Variants in MRM1 observed in about 807,000 individuals in gnomAD.
The protein encoded by MRM1 is rRNA methyltransferase 1, mitochondrial.
In MRM1, 24 loss-of-function variants were observed where a neutral mutation model predicts 25.0. The observed-to-expected ratio is 0.96, with a 90% CI of 0.69 to 1.35. MRM1 has a LOEUF of 1.35. Ranked by LOEUF, MRM1 falls within the 40% of genes most tolerant of loss-of-function variation. The pLI, the probability that MRM1 is intolerant of heterozygous loss-of-function variation, is 0.00. For missense variants in MRM1, 431 were observed against 464.1 expected (o/e 0.93, Z 0.65); for synonymous variants, 188 against 199.2 (o/e 0.94, Z 0.47).
downstream of MRM1, among the ~76,000 whole-genome samples, chr17:36,610,845 G>A (rs2074972625): frequency 6.6e-6 from 1 of 152,120 alleles, no homozygotes; most frequent in South Asian, 2.1e-4. Context: ...ACGGAGTCTT[G>A]CTCTGTTGCC....
At position 36,602,394 on chromosome 17, in the gene MRM1, C is replaced by G; in HGVS notation, c.542+42C>G. 6.5e-7 allele frequency: 1 copy of G among 1,547,598 alleles called. No individual in the cohort carries two copies. On this transcript the variant is annotated intron_variant, in intron 1 of 4. Coordinates refer to ENST00000614766, the MANE Select transcript of MRM1 (RefSeq NM_024864.5). This position sits in a 1 kb window ranked among gnomAD's most constrained non-coding sequence, Gnocchi z 4.1. ...TTCTCTATGTGCCCCAACTTGGAGA[C>G]GCAGCCGAGTTCCTAAGCACCTTGG...
downstream of MRM1, among the ~76,000 whole-genome samples, chr17:36,610,676 G>A (rs2074971576): frequency 6.6e-6 from 1 of 152,196 alleles, no homozygotes; most frequent in Admixed American, 6.5e-5. Context: ...TTCATTCTTG[G>A]CCAAGTGCCT....
At chr17:36,617,347 C>A in the MRM1 span, among the ~76,000 whole-genome samples, 1 of 152,026 alleles carries the variant, frequency 6.6e-6, no homozygotes, top group South Asian at 2.1e-4. Context: ...AGAGATGATG[C>A]CCTTGGCATA....
chr17:36,615,336 AC>A, the MRM1 span, among the ~76,000 whole-genome samples: 1 of 151,986 alleles, frequency 6.6e-6, no homozygotes. Flanking sequence ...GAGAAGCAGT[AC>A]CTTTGTGGTT....
At chr17:36,613,244 C>T (rs531360105), downstream of MRM1, among the ~76,000 whole-genome samples, 2 of 152,168 alleles carry the variant, frequency 1.3e-5, no homozygotes, top group East Asian at 3.9e-4. Context: ...CACCTCCCAC[C>T]CCCGCTTTGC....
At chr17:36,625,462 C>T in the MRM1 span, among the ~76,000 whole-genome samples, 15,215 of 101,996 alleles carry the variant, frequency 0.15, 1,555 homozygotes, top group Admixed American at 0.3. Flanking sequence ...CCTCCTCCTC[C>T]TTTTTTTTTT....
chr17:36,612,019 T>C (rs2074979754), downstream of MRM1, among the ~76,000 whole-genome samples: 1 of 152,214 alleles, frequency 6.6e-6, no homozygotes, highest in South Asian at 2.1e-4. Context: ...GGCGTCCCAG[T>C]GCTCCCTGCA....
the MRM1 span, among the ~76,000 whole-genome samples, chr17:36,621,097 A>G: frequency 6.6e-6 from 1 of 152,060 alleles, no homozygotes; most frequent in African/African-American, 2.4e-5. Context: ...CAGAATAACA[A>G]TAACAGGGGC....
Position 36,602,666 on chromosome 17 carries a change from G to A in MRM1, c.636+20G>A. The A allele has an allele frequency of 1.2e-6, 2 of 1,613,224 alleles. No individual in the cohort carries two copies. Among genetic ancestry groups the A allele is most frequent in the Non-Finnish European group, 1.7e-6 (2 of 1,179,146 alleles). ...TTACAGGTAATGAGGGGCAAGAGGG[G>A]AAGGAACAGATGTGAGCCCAGCTCA... On this transcript the variant is annotated intron_variant, in intron 2 of 4. Coordinates refer to ENST00000614766, the MANE Select transcript of MRM1 (RefSeq NM_024864.5). This position sits in a 1 kb window ranked among gnomAD's most constrained non-coding sequence, Gnocchi z 4.1.
chr17:36,616,474 G>C, the MRM1 span, among the ~76,000 whole-genome samples: 1 of 152,272 alleles, frequency 6.6e-6, no homozygotes, highest in South Asian at 2.1e-4. Context: ...ACTTTCCGTC[G>C]ACAGCCCCTT....
the MRM1 span, among the ~76,000 whole-genome samples, chr17:36,629,327 C>A: frequency 6.6e-6 from 1 of 152,200 alleles, no homozygotes; most frequent in Non-Finnish European, 1.5e-5. Flanking sequence ...TGTCAGAAGT[C>A]TAGATTTGGC....
the MRM1 span, among the ~76,000 whole-genome samples, chr17:36,624,566 A>G: frequency 1.3e-5 from 2 of 152,196 alleles, no homozygotes; most frequent in Non-Finnish European, 2.9e-5. The surrounding 1 kb of genome is among the most constrained non-coding windows in gnomAD (Gnocchi z 4.0). Flanking sequence ...CACGCATGTC[A>G]TAGGAGGCCG....
rs895095919 is a variant in MRM1, at chr17:36,601,640, A to G, written c.-171A>G. The G allele has an allele frequency of 2.0e-5, 13 of 644,348 alleles. No individual in the cohort carries two copies. The Admixed American group carries it at 4.2e-4, about 21-fold the overall frequency. 39.9% of individuals were successfully genotyped at this position (644,348 alleles called of 1,614,324 possible). ...TGGGAGCGGGTGGTCGTAGCTCGGT[A>G]GTCCAGTTGTGGGTAATCGGGGCTG... On this transcript the variant is annotated 5_prime_UTR_variant, in exon 1 of 5. Coordinates refer to ENST00000614766, the MANE Select transcript of MRM1 (RefSeq NM_024864.5).
chr17:36,613,205 C>G (rs1468710265), downstream of MRM1, among the ~76,000 whole-genome samples: 3 of 152,034 alleles, frequency 2.0e-5, no homozygotes, highest in East Asian at 1.9e-4. Flanking sequence ...TCCCCCTCCC[C>G]CTAGGTTGGG....
In MRM1 at chr17:36,601,772, C is replaced by G. The variant is rs769752929; in HGVS notation, c.-39C>G. On this transcript the variant is annotated 5_prime_UTR_variant, in exon 1 of 5. Transcript: ENST00000614766. The stretch of plus-strand genomic sequence containing the variant: ...CGGCGCGGGTTACCGCTCCCGGGGA[C>G]GCAGCAAGGGGCATCGAGTCCCTGG... 8.7e-6 allele frequency: 13 copies of G among 1,501,048 alleles called. No individual in the cohort carries two copies. Among genetic ancestry groups the G allele is most frequent in the Non-Finnish European group, 1.2e-5 (13 of 1,129,748 alleles). 93.0% of individuals were successfully genotyped at this position (1,501,048 alleles called of 1,614,324 possible). A position where few individuals can be genotyped will look rare whatever the true frequency, so the allele number is the denominator to read the frequency against.
At chr17:36,611,678 A>C (rs2074977448), downstream of MRM1, among the ~76,000 whole-genome samples, 1 of 152,184 alleles carries the variant, frequency 6.6e-6, no homozygotes, top group Non-Finnish European at 1.5e-5. Flanking sequence ...TGAGGGCCTG[A>C]ATAGAACAAA....
the MRM1 span, among the ~76,000 whole-genome samples, chr17:36,620,749 C>T: frequency 5.3e-5 from 8 of 152,210 alleles, no homozygotes; most frequent in African/African-American, 1.9e-4. Context: ...CTCCTCTGTG[C>T]CTGGGGAAGT....
chr17:36,610,661 C>A (rs1315614414), downstream of MRM1, among the ~76,000 whole-genome samples: 4 of 152,188 alleles, frequency 2.6e-5, no homozygotes, highest in African/African-American at 4.8e-5. Flanking sequence ...CTGACCCATC[C>A]CTGCTTCATT....
In MRM1 at chr17:36,602,712, C is replaced by G; in HGVS notation, c.636+66C>G. ...GCTCAGCCTCTTCAAGGGGACGAAG[C>G]TAGCCCCTGGCGAGGGAGAGAAAGG... On this transcript the variant is annotated intron_variant, in intron 2 of 4. Transcript: ENST00000614766. This position sits in a 1 kb window ranked among gnomAD's most constrained non-coding sequence, Gnocchi z 4.1. The G allele has an allele frequency of 6.4e-7, 1 of 1,570,436 alleles. No homozygotes were observed. Among genetic ancestry groups the G allele is most frequent in the Non-Finnish European group, 8.8e-7 (1 of 1,141,186 alleles).
Sources: allele counts gnomAD v4.1 joint callset (sites outside exome capture counted in the v4.1 genomes callset), GRCh38; gene constraint gnomAD v4.1.1; non-coding constraint Gnocchi (gnomAD v3.1); transcripts MANE v1.5; gene names NCBI Gene and HGNC (gene_info 2026-07-23, HGNC 2026-07-21).